The following LYAR variants were observed in gnomAD, a reference collection of about 807,000 sequenced individuals.
LYAR encodes the protein cell growth-regulating nucleolar protein.
A neutral mutation model predicts 45.2 loss-of-function variants in LYAR; 37 were observed. The observed-to-expected ratio is 0.82, with a 90% CI of 0.63 to 1.08. The LOEUF (loss-of-function observed/expected upper bound fraction) is 1.08, where lower values mean the gene tolerates loss of function less well. Ranked by LOEUF, LYAR falls within the 50% of genes least tolerant of loss-of-function variation. The pLI is 0.00. For synonymous variants in LYAR, 176 were observed against 155.1 expected (o/e 1.14, Z -1.00); for missense variants, 493 against 451.0 (o/e 1.09, Z -0.84).
At chr4:4,271,509 C>T (rs549756730) in intron 8 of LYAR, among the ~76,000 whole-genome samples, 2 of 152,262 alleles carry the variant, frequency 1.3e-5, no homozygotes, top group East Asian at 3.9e-4. Flanking sequence ...CAGGGATTTC[C>T]TTTCTTCTGA....
intron 3 of LYAR, among the ~76,000 whole-genome samples, chr4:4,283,163 C>T (rs141225841): frequency 3.9e-5 from 6 of 152,278 alleles, no homozygotes; most frequent in East Asian, 1.9e-4. Flanking sequence ...ATTTCTCCCC[C>T]CCAAGAAGGG....
intron 8 of LYAR, among the ~76,000 whole-genome samples, chr4:4,270,158 A>AT (rs1238200409): frequency 6.6e-6 from 1 of 151,906 alleles, no homozygotes; most frequent in African/African-American, 2.4e-5. Flanking sequence ...AGTCATGATC[A>AT]CACCAATGCA....
chr4:4,270,983 C>T (rs1718908609), intron 8 of LYAR, among the ~76,000 whole-genome samples: 1 of 152,196 alleles, frequency 6.6e-6, no homozygotes. Context: ...ATGGGGTATC[C>T]ATCACCTCAA....
chr4:4,272,870 G>C (rs111582243), intron 8 of LYAR, among the ~76,000 whole-genome samples: 8 of 152,298 alleles, frequency 5.3e-5, no homozygotes, highest in African/African-American at 1.7e-4. Flanking sequence ...GCAGGATCCT[G>C]GGGGTTGGGG....
At chr4:4,270,753 C>T (rs1263574123) in intron 8 of LYAR, among the ~76,000 whole-genome samples, 2 of 152,124 alleles carry the variant, frequency 1.3e-5, no homozygotes, top group Admixed American at 6.6e-5. Flanking sequence ...ATCAGAATGG[C>T]GAAAATACAA....
chr4:4,271,822 A>G (rs1274073268), intron 8 of LYAR, among the ~76,000 whole-genome samples: 2 of 152,334 alleles, frequency 1.3e-5, no homozygotes, highest in South Asian at 2.1e-4. Flanking sequence ...ATTAATAACC[A>G]GAGACTAGAA....
In LYAR at chr4:4,286,499, T is replaced by C. The variant is rs1719616515; in HGVS notation, c.-54+20A>G. On this transcript the variant is annotated intron_variant, in intron 2 of 9. Transcript: ENST00000343470. ...CAGCAAACATTGCCTAAAACAAAAA[T>C]GTAAATACTACAAACTTACAAAAAG... 1.3e-5 allele frequency: 2 copies of C among 151,836 alleles called. No homozygotes were observed. Among genetic ancestry groups the C allele is most frequent in the South Asian group, 2.1e-4 (1 of 4,808 alleles). 9.4% of individuals were successfully genotyped at this position (151,836 alleles called of 1,614,324 possible). A position where few individuals can be genotyped will look rare whatever the true frequency, so the allele number is the denominator to read the frequency against.
chr4:4,278,289 G>A (rs771063153), intron 6 of LYAR, among the ~76,000 whole-genome samples: 10 of 152,032 alleles, frequency 6.6e-5, no homozygotes, highest in Non-Finnish European at 1.5e-4. Flanking sequence ...ATCAACTCCC[G>A]ATAATTTGAT....
chr4:4,283,596 T>C (rs375487275), intron 3 of LYAR, 25 bp downstream of exon 3: 17 of 1,601,996 alleles, frequency 1.1e-5, no homozygotes, highest in Non-Finnish European at 1.3e-5. Flanking sequence ...TTACTATGGA[T>C]CTACATGAAT....
chr4:4,274,428 G>C lies in LYAR; in HGVS notation c.771C>G (p.Asp257Glu). The part of the protein sequence containing the change: ...KRSKKKKQRK[D>E]SASEEEARVG... ...CGCGTGCCTCTTCCTCACTGGCGCT[G>C]TCCTTGCGCTGCTTCTTCTTCTTGC... Residue 257 changes from aspartate to glutamate, a missense_variant, in exon 7 of 10, where the codon GAC (aspartate) becomes GAG (glutamate). Transcript: ENST00000343470. 4 of 1,614,028 alleles carry C rather than the reference G, an allele frequency of 2.5e-6. No individual in the cohort carries two copies. Among genetic ancestry groups the C allele is most frequent in the Non-Finnish European group, 3.4e-6 (4 of 1,179,982 alleles).
chr4:4,273,140 C>A (rs2980086), intron 8 of LYAR, among the ~76,000 whole-genome samples: 27,199 of 152,062 alleles, frequency 0.18, 4,841 homozygotes, highest in African/African-American at 0.46. Flanking sequence ...GAAAGGGAAC[C>A]GGGTCTCAGA....
intron 8 of LYAR, among the ~76,000 whole-genome samples, chr4:4,270,677 T>C (rs1040536274): frequency 6.6e-6 from 1 of 151,954 alleles, no homozygotes; most frequent in Non-Finnish European, 1.5e-5. Context: ...CAGAAGAAGG[T>C]GCTCAACAAC....
chr4:4,277,387 A>T (rs2916446), intron 6 of LYAR, among the ~76,000 whole-genome samples: 129,124 of 152,098 alleles, frequency 0.85, 55,031 homozygotes, highest in Non-Finnish European at 0.87. Flanking sequence ...AGACCCTGGC[A>T]TCCCTTCTAC....
intron 8 of LYAR, chr4:4,268,992 A>C (rs1560229409): frequency 6.1e-6 from 1 of 163,948 alleles, no homozygotes; most frequent in Non-Finnish European, 1.3e-5. Flanking sequence ...ACAACCACAA[A>C]CTATTATAGA....
At position 4,283,613 on chromosome 4, in the gene LYAR, A is replaced by G. The variant is rs780743421; in HGVS notation, c.122+8T>C. 1 of 1,608,822 alleles carries G rather than the reference A, an allele frequency of 6.2e-7. No homozygotes were observed. Among genetic ancestry groups the G allele is most frequent in the East Asian group, 2.2e-5 (1 of 44,830 alleles). On this transcript the variant is annotated splice_region_variant and intron_variant, in intron 3 of 9. Transcript: ENST00000343470. ...ACTATGGATCTACATGAATTCTGTGAAGCTTACCAGAAATCTTTACCGCAG... is the reference window on the plus strand; with the variant it reads ...ACTATGGATCTACATGAATTCTGTGGAGCTTACCAGAAATCTTTACCGCAG...
intron 1 of LYAR, among the ~76,000 whole-genome samples, chr4:4,287,490 C>T (rs1175935734): frequency 6.6e-6 from 1 of 152,192 alleles, no homozygotes; most frequent in Non-Finnish European, 1.5e-5. Flanking sequence ...ATGACGGGGT[C>T]TGCACCATAG....
intron 2 of LYAR, among the ~76,000 whole-genome samples, chr4:4,285,599 C>A (rs1719579958): frequency 6.6e-6 from 1 of 152,196 alleles, no homozygotes. Flanking sequence ...ATCACAGGCA[C>A]AAGGTGAAAG....
intron 4 of LYAR, among the ~76,000 whole-genome samples, chr4:4,280,383 A>G (rs1719347033): frequency 6.6e-6 from 1 of 152,204 alleles, no homozygotes; most frequent in African/African-American, 2.4e-5. Context: ...TCAAAATCCA[A>G]TGTGTGTGTA....
At chr4:4,273,531 A>G in intron 8 of LYAR, 52 bp downstream of exon 8, 1 of 1,344,000 alleles carries the variant, frequency 7.4e-7, no homozygotes, top group Non-Finnish European at 1.1e-6. Flanking sequence ...TGGGACTATC[A>G]GCGAGAGCCG....
Sources: gnomAD v4.1 joint callset for allele counts (sites outside exome capture counted in the v4.1 genomes callset) on GRCh38, gnomAD v4.1.1 for gene constraint, MANE v1.5 for transcripts, NCBI Gene and HGNC (gene_info 2026-07-23, HGNC 2026-07-21) for gene names.